NCKAP5L: variants seen among roughly 807,000 people sequenced by gnomAD.
NCKAP5L encodes the protein NCK associated protein 5 like.
In NCKAP5L, 54 loss-of-function variants were observed where a neutral mutation model predicts 103.2. That is an observed-to-expected ratio of 0.52 (90% confidence interval 0.42 to 0.66). NCKAP5L has a LOEUF of 0.66. NCKAP5L is among the 30% of genes least tolerant of loss of function. The pLI is 0.00. For synonymous variants in NCKAP5L, 762 were observed against 748.6 expected, an observed-to-expected ratio of 1.02 and a Z score of -0.29; for missense variants, 1,733 against 1,750.6, an observed-to-expected ratio of 0.99 and a Z score of 0.18.
Position 49,791,779 on chromosome 12 carries a change from A to C in NCKAP5L, c.*60T>G. On this transcript the variant is annotated 3_prime_UTR_variant, in exon 13 of 13. Transcript: ENST00000335999. ...CCCCGTCTCCGGGGGCTGGGCATGAAGAGAGCCGGTCCAGTCTGTGGTCCC... is the reference window on the plus strand; with the variant it reads ...CCCCGTCTCCGGGGGCTGGGCATGACGAGAGCCGGTCCAGTCTGTGGTCCC... 2 of 1,420,118 alleles carry C rather than the reference A, an allele frequency of 1.4e-6. No homozygotes were observed. Among genetic ancestry groups the C allele is most frequent in the Non-Finnish European group, 9.4e-7 (1 of 1,062,176 alleles). 88.0% of individuals were successfully genotyped at this position (1,420,118 alleles called of 1,614,324 possible). A position where few individuals can be genotyped will look rare whatever the true frequency, so the allele number is the denominator to read the frequency against.
chr12:49,806,448 C>T (rs1463520501), intron 1 of NCKAP5L, among the ~76,000 whole-genome samples: 1 of 152,246 alleles, frequency 6.6e-6, no homozygotes, highest in Admixed American at 6.5e-5. Context: ...TTATCAGTGC[C>T]TGTGTTTCAG....
rs531687839 is a variant in NCKAP5L at position 49,795,889 on chromosome 12, G to A, written c.1971C>T (p.Gly657=). 6 of 1,545,094 alleles carry A rather than the reference G, an allele frequency of 3.9e-6. No homozygotes were observed. In the East Asian group the frequency reaches 9.3e-5, roughly 24 times the overall value. The change falls in exon 8 of 13, where the codon GGC becomes GGT. Residue 657 remains glycine, a synonymous_variant. Coordinates refer to ENST00000335999, the MANE Select transcript of NCKAP5L (RefSeq NM_001037806.4). ...CCAGTCTGTCCCGCAGAGGTGTGCT[G>A]CCAGGATCCCCAGGTCGCCGTCCTG... ...QGSGRRPGDP[G]STPLRDRLAA...
rs752659710 is a variant in NCKAP5L at position 49,796,220 on chromosome 12, G to T, written c.1640C>A (p.Ser547Tyr). 2.5e-6 allele frequency: 4 copies of T among 1,588,602 alleles called. No homozygotes were observed. Among genetic ancestry groups the T allele is most frequent in the Admixed American group, 3.5e-5 (2 of 56,956 alleles). ...GCAGGGAGACACCACTGGGCCTGGG[G>T]ACAGCGTGGTGGACAAGGCTGACTG... The part of the protein sequence containing the change: ...PPQSALSTTL[S>Y]PGPVVSPCYE... The change falls in exon 8 of 13, where the codon TCC (serine) becomes TAC (tyrosine). Residue 547 changes from serine (S) to tyrosine (Y), a missense_variant. Transcript: ENST00000335999.
rs756700665 is a variant in NCKAP5L at position 49,798,428 on chromosome 12, T to C, written c.387A>G (p.Pro129=). ...TGGAGCTCAGGGAGGGGGAGGCTGG[T>C]GGCTCTGATGGTGGCTGGAGTGGAG... is the stretch of plus-strand genomic sequence containing the variant. ...PLTPLQPPSE[P]PASPSLSSTE... is the part of the protein sequence containing the mutation. The change falls in exon 7 of 13, where the codon CCA becomes CCG. Residue 129 remains proline (P), a synonymous_variant. Transcript: ENST00000335999. 5.1e-6 allele frequency: 8 copies of C among 1,581,002 alleles called. No homozygotes were observed. The African/African-American group carries it at 1.1e-4, about 21-fold the overall frequency.
At position 49,793,779 on chromosome 12, in the gene NCKAP5L, A is replaced by T; in HGVS notation, c.3213T>A (p.Asn1071Lys). 6.2e-7 allele frequency: 1 copy of T among 1,605,204 alleles called. No individual in the cohort carries two copies. ...AGCCCTGAAGAGGGCCCACCAGGCC[A>T]TTCCGGGGCCCACAGGCTGGCCAGG... ...KSPWPACGPR[N>K]GLVGPLQGCG... The change falls in exon 9 of 13, where the codon AAT (asparagine) becomes AAA (lysine). Residue 1071 changes from asparagine (N) to lysine (K), a missense_variant. Asn to Lys is a moderately conservative substitution (Grantham distance 94). Transcript: ENST00000335999.
At chr12:49,802,532 C>T in intron 5 of NCKAP5L, 1 of 174,312 alleles carries the variant, frequency 5.7e-6, no homozygotes, top group Admixed American at 5.5e-5. Context: ...CAGGCGTGAG[C>T]CACCGCGCCT....
chr12:49,804,993 TGCTTTCTAGCTCCA>T (rs1946164041), intron 2 of NCKAP5L: 1 of 152,302 alleles, frequency 6.6e-6, no homozygotes, highest in Admixed American at 6.5e-5. Flanking sequence ...TCCGGGGCTC[TGCTTTCTAGCTCCA>T]GCCTCACTAG....
chr12:49,796,475 G>A lies in NCKAP5L; in HGVS notation c.1385C>T (p.Pro462Leu). The A allele has an allele frequency of 6.5e-7, 1 of 1,532,456 alleles. No individual in the cohort carries two copies. Among genetic ancestry groups the A allele is most frequent in the Non-Finnish European group, 8.8e-7 (1 of 1,140,726 alleles). The allele number at this position is 1,532,456 out of a possible 1,614,324, so 94.9% of individuals were successfully genotyped here. A position where few individuals can be genotyped will look rare whatever the true frequency, so the allele number is the denominator to read the frequency against. ...GCTGGGGCTCTTCTCCGAGGTTGGA[G>A]GCAGCTTTAGAAACTTGAGACCCCT... ...PARGLKFLKL[P>L]PTSEKSPSPG... Residue 462 changes from proline (P) to leucine (L), a missense_variant, in exon 8 of 13, where the codon CCT (proline) becomes CTT (leucine). Pro to Leu is a moderately conservative substitution (Grantham distance 98, BLOSUM62 -3). Transcript: ENST00000335999.
rs772273763 is a variant in NCKAP5L, at chr12:49,796,825, C to T, written c.1035G>A (p.Gly345=). 7.4e-6 allele frequency: 12 copies of T among 1,613,366 alleles called. No individual in the cohort carries two copies. The South Asian group carries it at 1.3e-4, about 18-fold the overall frequency. The change falls in exon 8 of 13, where the codon GGG becomes GGA. Residue 345 remains glycine (G), a synonymous_variant. Coordinates refer to ENST00000335999, the MANE Select transcript of NCKAP5L (RefSeq NM_001037806.4). ...TESYLQAFLA[G]AAGPLNGDHP... is the part of the protein sequence containing the mutation. The stretch of plus-strand genomic sequence containing the variant: ...GGTCCCCATTGAGTGGGCCTGCAGC[C>T]CCGGCCAGGAAGGCCTGTAGGTAAG...
At chr12:49,799,723 C>A (rs985259997) in intron 6 of NCKAP5L, among the ~76,000 whole-genome samples, 5 of 152,224 alleles carry the variant, frequency 3.3e-5, no homozygotes, top group Admixed American at 6.5e-5. Context: ...GCCTGGCTGG[C>A]CAGCTCTTCC....
chr12:49,801,019 A>G (rs1946112325), intron 6 of NCKAP5L, among the ~76,000 whole-genome samples: 1 of 152,168 alleles, frequency 6.6e-6, no homozygotes, highest in Non-Finnish European at 1.5e-5. Flanking sequence ...ACCTGGCGAG[A>G]CGGGGGCTCC....
rs372434043 is a variant in NCKAP5L, at chr12:49,794,611, C to CCCT, written c.3095+153_3095+154insAGG. Among the ~76,000 whole-genome samples, 92 of 120,090 alleles carry CCCT rather than the reference C, an allele frequency of 7.7e-4. 6 individuals are homozygous for CCCT. In the East Asian group the frequency reaches 0.018, roughly 23 times the overall value. 78.8% of individuals were successfully genotyped at this position (120,090 alleles called of 152,430 possible). A position where few individuals can be genotyped will look rare whatever the true frequency, so the allele number is the denominator to read the frequency against. ...CCTCCAGGCCAAGTCACTGACCCCC[C>CCCT]CACCAGCTGCTTTGGTGGCCTTCTA... On this transcript the variant is annotated intron_variant, in intron 8 of 12. Transcript: ENST00000335999.
chr12:49,807,727 C>A (rs1017662203), intron 1 of NCKAP5L, among the ~76,000 whole-genome samples: 10 of 152,222 alleles, frequency 6.6e-5, no homozygotes, highest in African/African-American at 2.2e-4. Flanking sequence ...AGCATCTGAC[C>A]AGTGCCACCC....
In NCKAP5L at chr12:49,805,467, C is replaced by T. The variant is rs1565591887; in HGVS notation, c.-37+513G>A. The T allele has an allele frequency of 3.3e-5, 5 of 152,346 alleles. No individual in the cohort carries two copies. The East Asian group carries it at 9.6e-4, about 29-fold the overall frequency. 9.4% of individuals were successfully genotyped at this position (152,346 alleles called of 1,614,324 possible). ...TCTGCTAGAGAAAAATGCTGTTTTT[C>T]TTTCATACAAATATTGTGGAGGTTT... On this transcript the variant is annotated intron_variant, in intron 2 of 12. Coordinates refer to ENST00000335999, the MANE Select transcript of NCKAP5L (RefSeq NM_001037806.4).
Position 49,792,695 on chromosome 12 carries a change from T to C in NCKAP5L, c.3632A>G (p.His1211Arg). The change falls in exon 11 of 13, where the codon CAT becomes CGT. Residue 1211 changes from histidine to arginine, a missense_variant. His to Arg is a conservative substitution (Grantham distance 29, BLOSUM62 0). Coordinates refer to ENST00000335999, the MANE Select transcript of NCKAP5L (RefSeq NM_001037806.4). This position sits in a 1 kb window ranked among gnomAD's most constrained non-coding sequence, Gnocchi z 4.5. ...LLPAAPGHRG[H>R]ETCPDDPCED... ...ACACTCACCATCAGGACAGGTCTCA[T>C]GGCCCCGGTGGCCCGGAGCAGCGGG... 15 of 1,612,034 alleles carry C rather than the reference T, an allele frequency of 9.3e-6. No individual in the cohort carries two copies. Among genetic ancestry groups the C allele is most frequent in the Non-Finnish European group, 1.3e-5 (15 of 1,179,278 alleles).
At position 49,803,013 on chromosome 12, in the gene NCKAP5L, C is replaced by A. The variant is rs766854807; in HGVS notation, c.193-17G>T. 1 of 1,614,238 alleles carries A rather than the reference C, an allele frequency of 6.2e-7. No individual in the cohort carries two copies. Among genetic ancestry groups the A allele is most frequent in the African/African-American group, 1.3e-5 (1 of 75,072 alleles). ...GTTGGCAACCTGGGGACAGAAAGCCCCGAGGCAGAGCCATCAGCTGACCCC... is the reference window on the plus strand; with the variant it reads ...GTTGGCAACCTGGGGACAGAAAGCCACGAGGCAGAGCCATCAGCTGACCCC... On this transcript the variant is annotated splice_polypyrimidine_tract_variant and intron_variant, in intron 4 of 12. Coordinates refer to ENST00000335999, the MANE Select transcript of NCKAP5L (RefSeq NM_001037806.4).
chr12:49,808,400 C>T (rs745401515), intron 1 of NCKAP5L, among the ~76,000 whole-genome samples: 21 of 152,258 alleles, frequency 1.4e-4, no homozygotes, highest in Non-Finnish European at 2.8e-4. Flanking sequence ...TCTGCAGGGC[C>T]GTCACAGTGG....
intron 1 of NCKAP5L, among the ~76,000 whole-genome samples, chr12:49,816,845 C>T (rs972000875): frequency 1.3e-5 from 2 of 151,720 alleles, no homozygotes; most frequent in South Asian, 4.2e-4. Flanking sequence ...CGCAGTGACT[C>T]TCTCTGGCAA....
rs768334373 is a variant in NCKAP5L, at chr12:49,792,863, G to T, written c.3464C>A (p.Pro1155Gln). 10 of 1,545,178 alleles carry T rather than the reference G, an allele frequency of 6.5e-6. No individual in the cohort carries two copies. Among genetic ancestry groups the T allele is most frequent in the South Asian group, 3.6e-5 (3 of 82,582 alleles). The change falls in exon 11 of 13, where the codon CCA becomes CAA. Residue 1155 changes from proline to glutamine, a missense_variant. Physicochemically the swap from Pro to Gln is moderately conservative, Grantham distance 76 (BLOSUM62 -1). Transcript: ENST00000335999. This position sits in a 1 kb window ranked among gnomAD's most constrained non-coding sequence, Gnocchi z 4.5. ...GGGCCGAGCTGGGGGTACCCCAGGT[G>T]GGGGATCCAGCCGCGGTGGCTTGGT... ...PKTKPPRLDP[P>Q]PGVPPARPPP...
Sources: allele counts gnomAD v4.1 joint callset (sites outside exome capture counted in the v4.1 genomes callset), GRCh38; gene constraint gnomAD v4.1.1; non-coding constraint Gnocchi (gnomAD v3.1); transcripts MANE v1.5; gene names NCBI Gene and HGNC (gene_info 2026-07-23, HGNC 2026-07-21).